VPS13B: variants seen among roughly 807,000 people sequenced by gnomAD.
VPS13B encodes vacuolar protein sorting 13 homolog B.
Under a neutral mutation model 426.4 loss-of-function variants are expected in VPS13B, and 285 were observed. The observed-to-expected ratio is 0.67, with a 90% CI of 0.61 to 0.74. The LOEUF (loss-of-function observed/expected upper bound fraction) is 0.74. VPS13B is among the 30% of genes least tolerant of loss of function. VPS13B has a pLI of 0.00. For missense variants in VPS13B, 4,537 were observed against 4,782.6 expected, an observed-to-expected ratio of 0.95 and a Z score of 1.51; for synonymous variants, 1,676 against 1,676.4, an observed-to-expected ratio of 1.00 and a Z score of 0.01.
intron 33 of VPS13B, among the ~76,000 whole-genome samples, chr8:99,623,726 G>T (rs150468478): frequency 2.6e-5 from 4 of 152,266 alleles, no homozygotes; most frequent in Non-Finnish European, 4.4e-5. Flanking sequence ...ACTGGAAAGG[G>T]TATATTCAAT....
intron 17 of VPS13B, among the ~76,000 whole-genome samples, chr8:99,204,707 C>T (rs1471515604): frequency 2.6e-5 from 4 of 151,974 alleles, no homozygotes; most frequent in Admixed American, 2.6e-4. Flanking sequence ...TATGAACAAA[C>T]ATTTCTCAAA....
At chr8:99,812,579 A>G (rs1349167452) in intron 44 of VPS13B, among the ~76,000 whole-genome samples, 1 of 152,032 alleles carries the variant, frequency 6.6e-6, no homozygotes, top group Non-Finnish European at 1.5e-5. Flanking sequence ...CATTTCTTAT[A>G]CCCCTCTCAT....
At chr8:99,775,692 G>A (rs1811707615) in intron 40 of VPS13B, among the ~76,000 whole-genome samples, 1 of 152,160 alleles carries the variant, frequency 6.6e-6, no homozygotes, top group South Asian at 2.1e-4. Context: ...GGGGTCAGGA[G>A]TTCAAGACCA....
chr8:99,253,327 T>C lies in VPS13B; in HGVS notation c.2516-20871T>C, dbSNP rs138408894. ...TTATATAAGCTTTTGTGTGGACATA[T>C]ATGTTCAGTTCTCTTGGTTATCTAC... On this transcript the variant is annotated intron_variant, in intron 17 of 61. Transcript: ENST00000357162. Among the ~76,000 whole-genome samples the C allele has an allele frequency of 2.0e-4, 31 of 152,246 alleles. No individual in the cohort carries two copies. The East Asian group carries it at 5.6e-3, about 27-fold the overall frequency.
chr8:99,847,967 C>A (rs1816065735), intron 54 of VPS13B, among the ~76,000 whole-genome samples: 1 of 152,204 alleles, frequency 6.6e-6, no homozygotes, highest in Admixed American at 6.5e-5. Flanking sequence ...ATTGATACTG[C>A]AAATCATCAG....
At chr8:99,313,464 C>T (rs950346544) in intron 19 of VPS13B, among the ~76,000 whole-genome samples, 6 of 152,162 alleles carry the variant, frequency 3.9e-5, no homozygotes, top group Admixed American at 3.3e-4. Context: ...GTATCAGCAG[C>T]GGAGGCTGCA....
intron 23 of VPS13B, among the ~76,000 whole-genome samples, chr8:99,466,862 T>C (rs2133508654): frequency 6.6e-6 from 1 of 152,284 alleles, no homozygotes; most frequent in East Asian, 1.9e-4. Context: ...TTTATTCTTT[T>C]CCTGTCTCAT....
intron 35 of VPS13B, among the ~76,000 whole-genome samples, chr8:99,673,874 G>A (rs2129911401): frequency 6.6e-6 from 1 of 152,072 alleles, no homozygotes; most frequent in East Asian, 1.9e-4. Flanking sequence ...TGATCATTCA[G>A]GAGCATGTTA....
intron 21 of VPS13B, among the ~76,000 whole-genome samples, chr8:99,412,147 C>A (rs925875507): frequency 6.6e-6 from 1 of 152,104 alleles, no homozygotes; most frequent in South Asian, 2.1e-4. Flanking sequence ...GGGCAGTTGA[C>A]CATTTTTGTG....
chr8:99,697,606 A>T (rs1463169626), intron 35 of VPS13B: 1 of 648,798 alleles, frequency 1.5e-6, no homozygotes, highest in Non-Finnish European at 2.8e-6. Context: ...CTGGTAGGTG[A>T]AGAAAAATAT....
At chr8:99,870,923 C>T in intron 60 of VPS13B, 36 bp downstream of exon 60, 3 of 1,595,930 alleles carry the variant, frequency 1.9e-6, no homozygotes, top group Non-Finnish European at 1.7e-6. Context: ...ACTTTACATC[C>T]ATATTGTATG....
At chr8:99,313,301 A>G (rs959872397) in intron 19 of VPS13B, among the ~76,000 whole-genome samples, 1 of 152,084 alleles carries the variant, frequency 6.6e-6, no homozygotes, top group Non-Finnish European at 1.5e-5. Context: ...TTGTGGTTTT[A>G]TCTACCTTTG....
At position 99,818,794 on chromosome 8, in the gene VPS13B, T is replaced by C. The variant is rs778838868; in HGVS notation, c.8527T>C (p.Leu2843=). The C allele has an allele frequency of 3.7e-6, 6 of 1,613,996 alleles. No individual in the cohort carries two copies. In the African/African-American group the frequency reaches 8.0e-5, roughly 22 times the overall value. Residue 2843 remains leucine (L), a synonymous_variant, in exon 47 of 62, where the codon TTG becomes CTG. Transcript: ENST00000357162. ...ACATTTGGAGAAAAGGAGTCTGGGATTGAGTGAAACACAAATTATTCCAGG... is the reference window on the plus strand; with the variant it reads ...ACATTTGGAGAAAAGGAGTCTGGGACTGAGTGAAACACAAATTATTCCAGG... ...IIHLEKRSLG[L]SETQIIPGKG...
rs1326196087 is a variant in VPS13B, at chr8:99,642,135, T to G, written c.5545T>G (p.Ser1849Ala). ...GAATAATGAAAAAACAGACAAGAGT[T>G]CATTAAATCTCCCAGAAGTTGATTC... ...QKNNEKTDKS[S>A]LNLPEVDSDV... The change falls in exon 34 of 62, where the codon TCA becomes GCA. Residue 1849 changes from serine (S) to alanine (A), a missense_variant. Ser to Ala is a moderately conservative substitution (Grantham distance 99). This residue lies in a region of VPS13B where 4,311 missense variants were observed against 4,474.3 expected (regional missense o/e 0.96). Transcript: ENST00000357162. The G allele has an allele frequency of 6.2e-7, 1 of 1,614,138 alleles. No homozygotes were observed. The highest frequency in any genetic ancestry group is 1.1e-5 in the South Asian group (1 of 91,078).
intron 44 of VPS13B, among the ~76,000 whole-genome samples, chr8:99,814,334 AT>A (rs1479222167): frequency 2.0e-5 from 3 of 152,202 alleles, no homozygotes; most frequent in African/African-American, 7.2e-5. Context: ...GGCAGATACT[AT>A]TCTATTTTAT....
intron 28 of VPS13B, among the ~76,000 whole-genome samples, chr8:99,510,050 A>T (rs968867189): frequency 3.3e-5 from 5 of 152,212 alleles, no homozygotes; most frequent in African/African-American, 1.2e-4. Context: ...GTGTACTAAT[A>T]TAGTAGTATA....
At chr8:99,543,601 C>T (rs1823765466) in intron 30 of VPS13B, among the ~76,000 whole-genome samples, 1 of 151,468 alleles carries the variant, frequency 6.6e-6, no homozygotes, top group Admixed American at 6.6e-5. Context: ...ACAAAGAACT[C>T]AAACAAATTT....
chr8:99,510,975 G>C lies in VPS13B; in HGVS notation c.4225-129G>C. The C allele has an allele frequency of 4.1e-6, 4 of 966,732 alleles. No individual in the cohort carries two copies. In the South Asian group the frequency reaches 5.9e-5, roughly 14 times the overall value. The allele number at this position is 966,732 out of a possible 1,614,324, so 59.9% of individuals were successfully genotyped here. Reference sequence around the variant, plus strand: ...CACATCTGCAGAATTGATCAGTCATGTGTTTATTAAGAAGTGTAGGGTAAG... The same window carrying C: ...CACATCTGCAGAATTGATCAGTCATCTGTTTATTAAGAAGTGTAGGGTAAG... On this transcript the variant is annotated intron_variant, in intron 28 of 61. Coordinates refer to ENST00000357162, the MANE Select transcript of VPS13B (RefSeq NM_152564.5).
intron 36 of VPS13B, among the ~76,000 whole-genome samples, chr8:99,710,972 C>G (rs117029951): frequency 0.033 from 4,975 of 152,104 alleles, 115 homozygotes; most frequent in Non-Finnish European, 0.047. Context: ...ACACTGTACA[C>G]CAGCCTGGGC....
Sources: gnomAD v4.1 joint callset for allele counts (sites outside exome capture counted in the v4.1 genomes callset) on GRCh38, gnomAD v4.1.1 for gene constraint, gnomAD v4.1.1 regional missense constraint, MANE v1.5 for transcripts, NCBI Gene and HGNC (gene_info 2026-07-23, HGNC 2026-07-21) for gene names.